Variants in PTPN21 observed in about 807,000 individuals in gnomAD.
The protein encoded by PTPN21 is tyrosine-protein phosphatase non-receptor type 21.
Under a neutral mutation model 131.8 loss-of-function variants are expected in PTPN21, and 77 were observed. The observed-to-expected ratio is 0.58, with a 90% CI of 0.49 to 0.71. The LOEUF (loss-of-function observed/expected upper bound fraction) is 0.71. PTPN21 is among the 30% of genes least tolerant of loss of function. The pLI, the probability that PTPN21 is intolerant of heterozygous loss-of-function variation, is 0.00. For synonymous variants in PTPN21, 715 were observed against 621.3 expected (o/e 1.15, Z -2.24); for missense variants, 1,552 against 1,527.1 (o/e 1.02, Z -0.27).
chr14:88,487,387 C>T (rs1266322087), intron 10 of PTPN21, among the ~76,000 whole-genome samples: 2 of 152,230 alleles, frequency 1.3e-5, no homozygotes, highest in East Asian at 3.9e-4. Flanking sequence ...GAAAATCCAT[C>T]ATGACAAAGT....
At chr14:88,553,429 G>A (rs1327236657) in intron 1 of PTPN21, among the ~76,000 whole-genome samples, 1 of 152,020 alleles carries the variant, frequency 6.6e-6, no homozygotes, top group East Asian at 1.9e-4. Flanking sequence ...TTGCCAAATG[G>A]TGTAATACAA....
At chr14:88,517,553 G>T (rs2078292897) in intron 2 of PTPN21, among the ~76,000 whole-genome samples, 1 of 151,478 alleles carries the variant, frequency 6.6e-6, no homozygotes, top group Admixed American at 6.6e-5. Context: ...TGTAGTGGCG[G>T]CTACTCAATT....
In PTPN21 at chr14:88,479,033, C is replaced by T. The variant is rs1351540367; in HGVS notation, c.2398G>A (p.Asp800Asn). The change falls in exon 13 of 19, where the codon GAC (aspartate) becomes AAC (asparagine). Residue 800 changes from aspartate (D) to asparagine (N), a missense_variant. By Grantham distance (23) the Asp-to-Asn change is conservative. Coordinates refer to ENST00000556564, the MANE Select transcript of PTPN21 (RefSeq NM_007039.4). ...GLLMPSMSESDLTTSGRYRAR... is the reference protein window; with the variant it reads ...GLLMPSMSESNLTTSGRYRAR... Reference sequence around the variant, plus strand: ...CGGTAGCGGCCTGACGTGGTGAGGTCGGACTCCGACATGGAGGGCATCAGC... The same window carrying T: ...CGGTAGCGGCCTGACGTGGTGAGGTTGGACTCCGACATGGAGGGCATCAGC... 1.9e-6 allele frequency: 3 copies of T among 1,607,282 alleles called. No homozygotes were observed. The highest frequency in any genetic ancestry group is 8.5e-7 in the Non-Finnish European group (1 of 1,177,630).
At chr14:88,502,548 G>A (rs185923973) in intron 6 of PTPN21, among the ~76,000 whole-genome samples, 1 of 152,278 alleles carries the variant, frequency 6.6e-6, no homozygotes, top group East Asian at 1.9e-4. Context: ...ACTCTTAGAA[G>A]ACAAGAAATT....
rs1388259776 is a variant in PTPN21, at chr14:88,467,281, A to G, written c.*856T>C. On this transcript the variant is annotated 3_prime_UTR_variant, in exon 19 of 19. Coordinates refer to ENST00000556564, the MANE Select transcript of PTPN21 (RefSeq NM_007039.4). ...AAAACTCAGATTTGTTTTTAACAAAAAAGTGCTTAAAACCACCCTAGGCAA... is the reference window on the plus strand; with the variant it reads ...AAAACTCAGATTTGTTTTTAACAAAGAAGTGCTTAAAACCACCCTAGGCAA... 1 of 152,240 alleles carries G rather than the reference A, an allele frequency of 6.6e-6. No individual in the cohort carries two copies. Among genetic ancestry groups the G allele is most frequent in the Non-Finnish European group, 1.5e-5 (1 of 68,050 alleles). 9.4% of individuals were successfully genotyped at this position (152,240 alleles called of 1,614,324 possible).
In PTPN21 at chr14:88,507,505, T is replaced by C. The variant is rs760270466; in HGVS notation, c.448+418A>G. 3.9e-4 allele frequency among the ~76,000 whole-genome samples: 60 copies of C among 152,156 alleles called. 2 individuals carry two copies. The highest frequency in any genetic ancestry group is 6.6e-4 in the Non-Finnish European group (45 of 68,016). On this transcript the variant is annotated intron_variant, in intron 4 of 18. Coordinates refer to ENST00000556564, the MANE Select transcript of PTPN21 (RefSeq NM_007039.4). Reference sequence around the variant, plus strand: ...CAGCATGTTACTGTACTGAATACTGTAGGCAACTGTAACACAATGGTATTT... The same window carrying C: ...CAGCATGTTACTGTACTGAATACTGCAGGCAACTGTAACACAATGGTATTT...
rs757930452 is a variant in PTPN21 at position 88,473,786 on chromosome 14, C to A, written c.2528G>T (p.Arg843Leu). The change falls in exon 14 of 19, where the codon CGA (arginine) becomes CTA (leucine). Residue 843 changes from arginine (R) to leucine (L), a missense_variant. Physicochemically the swap from Arg to Leu is moderately radical, Grantham distance 102 (BLOSUM62 -2). Around this residue, in one of 4 missense-constraint regions of PTPN21, gnomAD observed 1,016 missense variants for 883.5 expected, o/e 1.15. Transcript: ENST00000556564. The stretch of plus-strand genomic sequence containing the variant: ...AGGACCAATTTTTTTTGCATCTACT[C>A]GAGTCTTTTTCATTCCCTGTAAAAG... The part of the protein sequence containing the change: ...LPPLGGMKKT[R>L]VDAKKIGPLK... 1.0e-5 allele frequency: 16 copies of A among 1,607,066 alleles called. No homozygotes were observed. Among genetic ancestry groups the A allele is most frequent in the Non-Finnish European group, 1.3e-5 (15 of 1,178,370 alleles).
intron 18 of PTPN21, 91 bp from the exon 19 acceptor site, chr14:88,468,356 T>C (rs1268141078): frequency 7.7e-7 from 1 of 1,299,884 alleles, no homozygotes. Context: ...AGAAACCTGG[T>C]TGGGAGATGG....
intron 1 of PTPN21, among the ~76,000 whole-genome samples, chr14:88,554,158 G>A (rs184001910): frequency 2.6e-5 from 4 of 152,288 alleles, no homozygotes; most frequent in Non-Finnish European, 4.4e-5. Flanking sequence ...AAAGAAAATA[G>A]GACGAGCATG....
Position 88,479,533 on chromosome 14 carries a change from T to C in PTPN21, c.1898A>G (p.His633Arg). 1.2e-6 allele frequency: 2 copies of C among 1,600,280 alleles called. No individual in the cohort carries two copies. The highest frequency in any genetic ancestry group is 8.5e-7 in the Non-Finnish European group (1 of 1,179,258). Residue 633 changes from histidine to arginine, a missense_variant, in exon 13 of 19, where the codon CAC (histidine) becomes CGC (arginine). Transcript: ENST00000556564. ...PLTAARHAQL[H>R]KRNSIEVAGL... ...GGCCACCTCGATGCTGTTCCGTTTG[T>C]GCAGCTGCGCGTGGCGCGCGGCGGT...
At chr14:88,551,568 TC>T (rs1302128870) in intron 1 of PTPN21, 3 of 152,170 alleles carry the variant, frequency 2.0e-5, no homozygotes, top group Admixed American at 2.0e-4. Context: ...GTCCCTCGGC[TC>T]CCGAAGGGAA....
chr14:88,479,874 G>C lies in PTPN21; in HGVS notation c.1557C>G (p.His519Gln). 1 of 1,580,290 alleles carries C rather than the reference G, an allele frequency of 6.3e-7. No homozygotes were observed. The stretch of plus-strand genomic sequence containing the variant: ...CAGGGTAGGGGTAGGGAGACGGGCT[G>C]TGGAAGCTGTAGCTCAGGCTGAACG... The part of the protein sequence containing the change: ...HCPFSLSYSF[H>Q]SPSPYPYPAE... The change falls in exon 13 of 19, where the codon CAC becomes CAG. Residue 519 changes from histidine (H) to glutamine (Q), a missense_variant. His to Gln is a conservative substitution (Grantham distance 24, BLOSUM62 0). Around this residue, in one of 4 missense-constraint regions of PTPN21, gnomAD observed 1,016 missense variants for 883.5 expected, o/e 1.15. Coordinates refer to ENST00000556564, the MANE Select transcript of PTPN21 (RefSeq NM_007039.4).
chr14:88,525,683 G>T (rs1489131263), intron 2 of PTPN21, among the ~76,000 whole-genome samples: 1 of 152,186 alleles, frequency 6.6e-6, no homozygotes, highest in Non-Finnish European at 1.5e-5. Flanking sequence ...ATATGATCCA[G>T]CAATTCCACT....
intron 10 of PTPN21, among the ~76,000 whole-genome samples, chr14:88,494,753 C>T (rs2077878648): frequency 1.3e-5 from 2 of 151,852 alleles, no homozygotes; most frequent in Non-Finnish European, 1.5e-5. Context: ...GTGGCTCACA[C>T]CTGTAATCCC....
intron 12 of PTPN21, among the ~76,000 whole-genome samples, chr14:88,482,827 G>C (rs73314179): frequency 0.036 from 5,528 of 151,462 alleles, 338 homozygotes; most frequent in African/African-American, 0.13. Flanking sequence ...GTGCTGGGAG[G>C]CTCCCAGAGG....
intron 8 of PTPN21, chr14:88,499,295 G>A (rs2077972385): frequency 6.6e-6 from 1 of 152,184 alleles, no homozygotes; most frequent in African/African-American, 2.4e-5. Flanking sequence ...GAGAATTCAT[G>A]GCTCAAGAGG....
chr14:88,533,290 C>T (rs781760905), intron 2 of PTPN21, among the ~76,000 whole-genome samples: 2 of 151,998 alleles, frequency 1.3e-5, no homozygotes, highest in Admixed American at 6.6e-5. Flanking sequence ...AGTCACGTGC[C>T]GCATAACAAT....
chr14:88,469,386 G>T lies in PTPN21; in HGVS notation c.3235+113C>A. On this transcript the variant is annotated intron_variant, in intron 17 of 18. Transcript: ENST00000556564. The surrounding 1 kb of genome is among the most constrained non-coding windows in gnomAD (Gnocchi z 4.3). ...ACTTGTATTCTTTATGTTAAAACAA[G>T]TCCGAAGCTTATATGAGATAACATA... 1.0e-6 allele frequency: 1 copy of T among 970,862 alleles called. No homozygotes were observed. The highest frequency in any genetic ancestry group is 1.5e-6 in the Non-Finnish European group (1 of 653,244). The allele number at this position is 970,862 out of a possible 1,614,324, so 60.1% of individuals were successfully genotyped here. A position where few individuals can be genotyped will look rare whatever the true frequency, so the allele number is the denominator to read the frequency against.
In PTPN21 at chr14:88,479,282, C is replaced by G; in HGVS notation, c.2149G>C (p.Glu717Gln). Residue 717 changes from glutamate to glutamine, a missense_variant, in exon 13 of 19, where the codon GAG becomes CAG. By Grantham distance (29) the Glu-to-Gln change is conservative. Around this residue, in one of 4 missense-constraint regions of PTPN21, gnomAD observed 1,016 missense variants for 883.5 expected, o/e 1.15. Coordinates refer to ENST00000556564, the MANE Select transcript of PTPN21 (RefSeq NM_007039.4). ...GCCCCGCTCTCCTCCTCGAAGTCCT[C>G]GTCCTCCTCCTCCTCGCTGCTGTGG... ...LIHSSEEEED[E>Q]DFEEESGARA... 6.2e-7 allele frequency: 1 copy of G among 1,613,118 alleles called. No homozygotes were observed. The highest frequency in any genetic ancestry group is 8.5e-7 in the Non-Finnish European group (1 of 1,179,386).
Sources: gnomAD v4.1 joint callset for allele counts (sites outside exome capture counted in the v4.1 genomes callset) on GRCh38, gnomAD v4.1.1 for gene constraint, gnomAD v4.1.1 regional missense constraint, Gnocchi (gnomAD v3.1) non-coding constraint, MANE v1.5 for transcripts, NCBI Gene and HGNC (gene_info 2026-07-23, HGNC 2026-07-21) for gene names.